The following PCDH9 variants were observed in gnomAD, a reference collection of about 807,000 sequenced individuals.
PCDH9 encodes the protein protocadherin-9.
In PCDH9, 24 loss-of-function variants were observed where a neutral mutation model predicts 70.6. That is an observed-to-expected ratio of 0.34 (90% CI 0.25 to 0.48). The LOEUF (loss-of-function observed/expected upper bound fraction) is 0.48. Ranked by LOEUF, PCDH9 falls within the 20% of genes least tolerant of loss-of-function variation. PCDH9 has a pLI of 0.99. For missense variants in PCDH9, 1,281 were observed against 1,503.6 expected (o/e 0.85, Z 2.45); for synonymous variants, 562 against 558.5 (o/e 1.01, Z -0.09).
At chr13:66,583,613 CAAA>C (rs879315168) in intron 4 of PCDH9, among the ~76,000 whole-genome samples, 1 of 133,094 alleles carries the variant, frequency 7.5e-6, no homozygotes, top group Non-Finnish European at 1.6e-5. Context: ...GACTCCCTCT[CAAA>C]AAAAAAAAAA....
At chr13:67,174,963 C>CAAAAAA (rs376755966) in intron 2 of PCDH9, among the ~76,000 whole-genome samples, 1 of 127,446 alleles carries the variant, frequency 7.8e-6, no homozygotes, top group African/African-American at 3.0e-5. Context: ...TCATCTCTAC[C>CAAAAAA]AAAAAAAAAA....
At chr13:66,830,344 T>A (rs1594117437) in intron 3 of PCDH9, among the ~76,000 whole-genome samples, 1 of 152,120 alleles carries the variant, frequency 6.6e-6, no homozygotes, top group Admixed American at 6.5e-5. Context: ...TTGTCAGAGG[T>A]CATTAACGCT....
At chr13:66,827,413 G>A (rs2080844848) in intron 3 of PCDH9, among the ~76,000 whole-genome samples, 2 of 150,886 alleles carry the variant, frequency 1.3e-5, no homozygotes, top group African/African-American at 2.4e-5. Flanking sequence ...GCAGGTACCA[G>A]ATCACTTGAG....
At chr13:67,164,412 T>C (rs2138425317) in intron 2 of PCDH9, among the ~76,000 whole-genome samples, 1 of 151,502 alleles carries the variant, frequency 6.6e-6, no homozygotes, top group Admixed American at 6.6e-5. Flanking sequence ...CTGTCTCTAA[T>C]AAAACTACAA....
At chr13:66,918,785 G>A (rs756977246) in intron 2 of PCDH9, among the ~76,000 whole-genome samples, 3 of 151,234 alleles carry the variant, frequency 2.0e-5, no homozygotes, top group Admixed American at 2.0e-4. Flanking sequence ...GATTTATGAT[G>A]ATATTTTTTG....
intron 4 of PCDH9, among the ~76,000 whole-genome samples, chr13:66,525,137 G>T (rs553392155): frequency 6.6e-6 from 1 of 152,052 alleles, no homozygotes; most frequent in Non-Finnish European, 1.5e-5. Flanking sequence ...GTTCTCCCTT[G>T]TCGCTCTCAT....
chr13:66,562,946 C>T lies in PCDH9; in HGVS notation c.3340+68264G>A, dbSNP rs1181613773. On this transcript the variant is annotated intron_variant, in intron 4 of 4. Coordinates refer to ENST00000377865, the MANE Select transcript of PCDH9 (RefSeq NM_203487.3). The stretch of plus-strand genomic sequence containing the variant: ...CTCTGAAGTTAATGTGCTGCACATA[C>T]ATATATATATATAGTATATATAGTA... Among the ~76,000 whole-genome samples the T allele has an allele frequency of 4.6e-5, 7 of 151,230 alleles. No individual in the cohort carries two copies. The South Asian group carries it at 1.3e-3, about 27-fold the overall frequency.
intron 4 of PCDH9, among the ~76,000 whole-genome samples, chr13:66,413,333 A>T (rs188977432): frequency 2.1e-3 from 321 of 152,300 alleles, no homozygotes; most frequent in Non-Finnish European, 3.9e-3. Context: ...CATGGCACAA[A>T]TTTAATATAT....
intron 3 of PCDH9, among the ~76,000 whole-genome samples, chr13:66,637,232 G>A (rs1257962480): frequency 6.6e-6 from 1 of 152,092 alleles, no homozygotes; most frequent in Admixed American, 6.6e-5. Flanking sequence ...GCAATCTATG[G>A]TTATGGCCTA....
chr13:67,166,935 A>G (rs916858641), intron 2 of PCDH9, among the ~76,000 whole-genome samples: 2 of 152,192 alleles, frequency 1.3e-5, no homozygotes, highest in African/African-American at 4.8e-5. Flanking sequence ...CTAAGTTTAG[A>G]ATGAACACTA....
intron 3 of PCDH9, among the ~76,000 whole-genome samples, chr13:66,680,946 C>T (rs1434291349): frequency 6.6e-6 from 1 of 151,888 alleles, no homozygotes; most frequent in East Asian, 1.9e-4. Flanking sequence ...AGGATAAAAG[C>T]TGTTGCAAAT....
At chr13:66,506,050 T>A (rs2138572167) in intron 4 of PCDH9, among the ~76,000 whole-genome samples, 1 of 152,334 alleles carries the variant, frequency 6.6e-6, no homozygotes, top group East Asian at 1.9e-4. Flanking sequence ...GTAAATCTCC[T>A]AACCATGCTC....
At chr13:66,570,261 G>A (rs1156855498) in intron 4 of PCDH9, among the ~76,000 whole-genome samples, 1 of 152,066 alleles carries the variant, frequency 6.6e-6, no homozygotes, top group East Asian at 1.9e-4. Flanking sequence ...GATGAGGAGG[G>A]AAATGTGGAG....
intron 2 of PCDH9, among the ~76,000 whole-genome samples, chr13:66,962,257 T>C (rs2083361562): frequency 6.6e-6 from 1 of 152,328 alleles, no homozygotes; most frequent in Middle Eastern, 3.4e-3. Flanking sequence ...TGAAGACACA[T>C]GTCACTCTCC....
intron 3 of PCDH9, among the ~76,000 whole-genome samples, chr13:66,691,564 G>A (rs533360023): frequency 6.6e-6 from 1 of 151,938 alleles, no homozygotes; most frequent in African/African-American, 2.4e-5. Flanking sequence ...AACTTTTAAT[G>A]TGATAAGCAA....
intron 4 of PCDH9, among the ~76,000 whole-genome samples, chr13:66,429,371 G>T (rs767364197): frequency 4.6e-5 from 7 of 150,540 alleles, no homozygotes; most frequent in Non-Finnish European, 7.4e-5. Context: ...GATGACTATG[G>T]GAACAAAAAT....
At chr13:66,356,387 C>T (rs1436668634) in intron 4 of PCDH9, among the ~76,000 whole-genome samples, 1 of 152,068 alleles carries the variant, frequency 6.6e-6, no homozygotes, top group African/African-American at 2.4e-5. Context: ...TATAAATATA[C>T]TTTCTTTTCC....
chr13:66,456,677 A>G lies in PCDH9; in HGVS notation c.3341-151649T>C, dbSNP rs1958323999. Among the ~76,000 whole-genome samples the G allele has an allele frequency of 4.6e-5, 7 of 152,212 alleles. 2 individuals are homozygous for G. In the South Asian group the frequency reaches 1.5e-3, roughly 32 times the overall value. On this transcript the variant is annotated intron_variant, in intron 4 of 4. Transcript: ENST00000377865. ...ATTCCAATTCTTGTGCTTTCTCAAC[A>G]TGCTAAATTGTTCAAAATGTCATAG... is the stretch of plus-strand genomic sequence containing the variant.
chr13:67,160,412 T>C (rs59484997), intron 2 of PCDH9, among the ~76,000 whole-genome samples: 8,502 of 152,036 alleles, frequency 0.056, 330 homozygotes, highest in Middle Eastern at 0.099. Flanking sequence ...CCGGGCGTGG[T>C]GGCGGGCGCC....
Sources: gnomAD v4.1 joint callset for allele counts (sites outside exome capture counted in the v4.1 genomes callset) on GRCh38, gnomAD v4.1.1 for gene constraint, MANE v1.5 for transcripts, NCBI Gene and HGNC (gene_info 2026-07-23, HGNC 2026-07-21) for gene names.